PEAK1: variants seen among roughly 807,000 people sequenced by gnomAD.
The protein encoded by PEAK1 is pseudopodium enriched atypical kinase 1.
In PEAK1, 54 loss-of-function variants were observed where a neutral mutation model predicts 124.7. That is an observed-to-expected ratio of 0.43 (90% CI 0.35 to 0.54). PEAK1 has a LOEUF of 0.54. PEAK1 is among the 20% of genes least tolerant of loss of function. The probability of loss-of-function intolerance (pLI) is 0.01; values close to 1 mark genes in which losing one functional copy is unlikely to be tolerated. For synonymous variants in PEAK1, 719 were observed against 760.0 expected (o/e 0.95, Z 0.89); for missense variants, 2,046 against 2,134.5 (o/e 0.96, Z 0.82).
chr15:77,124,325 C>T (rs2052186873), intron 9 of PEAK1, among the ~76,000 whole-genome samples: 1 of 152,182 alleles, frequency 6.6e-6, no homozygotes, highest in Non-Finnish European at 1.5e-5. Context: ...AGTCTATGAC[C>T]ACATTTCTAG....
At chr15:77,265,479 T>C (rs1007430178) in intron 5 of PEAK1, among the ~76,000 whole-genome samples, 11 of 152,166 alleles carry the variant, frequency 7.2e-5, no homozygotes, top group African/African-American at 2.2e-4. Context: ...AGAAGACATT[T>C]ATGCAGACAA....
At chr15:77,125,573 C>G (rs559792395) in intron 9 of PEAK1, among the ~76,000 whole-genome samples, 1 of 151,920 alleles carries the variant, frequency 6.6e-6, no homozygotes. Flanking sequence ...TTAAGAAGAC[C>G]TGAAGTATTT....
rs575775821 is a variant in PEAK1 at position 77,392,209 on chromosome 15, T to C, written c.-665-26984A>G. 7.9e-5 allele frequency among the ~76,000 whole-genome samples: 12 copies of C among 152,218 alleles called. No homozygotes were observed. In the South Asian group the frequency reaches 8.3e-4, roughly 11 times the overall value. ...CAAAACTGAACTAAAAATCAGAATC[T>C]TCAATATGGAAATAATAGAACCACT... On this transcript the variant is annotated intron_variant, in intron 1 of 9. Transcript: ENST00000682557.
chr15:77,163,967 C>A (rs1274578255), intron 7 of PEAK1, among the ~76,000 whole-genome samples: 1 of 152,072 alleles, frequency 6.6e-6, no homozygotes, highest in Non-Finnish European at 1.5e-5. Flanking sequence ...CTGGGGATAA[C>A]GGAACTCTGC....
At chr15:77,373,023 T>C (rs1185314524) in intron 1 of PEAK1, among the ~76,000 whole-genome samples, 1 of 152,168 alleles carries the variant, frequency 6.6e-6, no homozygotes, top group African/African-American at 2.4e-5. Context: ...AATTACCCAG[T>C]CCAGGTATTT....
chr15:77,412,538 CACAG>C (rs1233836236), intron 1 of PEAK1, among the ~76,000 whole-genome samples: 7 of 152,134 alleles, frequency 4.6e-5, no homozygotes, highest in Non-Finnish European at 8.8e-5. Context: ...CAGTTAGAGT[CACAG>C]ACAATCAGTA....
intron 6 of PEAK1, among the ~76,000 whole-genome samples, chr15:77,213,150 C>T (rs1180932116): frequency 6.6e-6 from 1 of 152,008 alleles, no homozygotes; most frequent in African/African-American, 2.4e-5. Context: ...GAATAATGTT[C>T]TATGCAATGC....
intron 1 of PEAK1, among the ~76,000 whole-genome samples, chr15:77,387,785 T>C (rs1193445185): frequency 6.6e-6 from 1 of 152,144 alleles, no homozygotes. Flanking sequence ...GTGACAGTGA[T>C]GGGAAAGGAA....
chr15:77,273,812 C>A (rs1052093700), intron 5 of PEAK1, among the ~76,000 whole-genome samples: 3 of 151,954 alleles, frequency 2.0e-5, no homozygotes, highest in Non-Finnish European at 4.4e-5. Flanking sequence ...AAAGAGCCCA[C>A]GTAGCCAAAG....
chr15:77,266,171 G>GC (rs2152948130), intron 5 of PEAK1, among the ~76,000 whole-genome samples: 1 of 152,224 alleles, frequency 6.6e-6, no homozygotes, highest in African/African-American at 2.4e-5. Context: ...GTTAGTGGGT[G>GC]CAGCGCACCA....
intron 5 of PEAK1, among the ~76,000 whole-genome samples, chr15:77,261,081 C>G (rs2061414798): frequency 6.6e-6 from 1 of 152,122 alleles, no homozygotes; most frequent in Non-Finnish European, 1.5e-5. Context: ...AGAAGGAAAA[C>G]TAATAAACAG....
intron 7 of PEAK1, among the ~76,000 whole-genome samples, chr15:77,174,562 T>A (rs1178266916): frequency 6.6e-6 from 1 of 152,244 alleles, no homozygotes; most frequent in Non-Finnish European, 1.5e-5. Flanking sequence ...ATATTCATGC[T>A]TTAAACTTTT....
intron 5 of PEAK1, among the ~76,000 whole-genome samples, chr15:77,278,099 C>T (rs113534658): frequency 8.8e-4 from 134 of 152,140 alleles, no homozygotes; most frequent in Admixed American, 1.6e-3. Flanking sequence ...GCTATACGCT[C>T]GTGGGCACGA....
rs139093935 is a variant in PEAK1, at chr15:77,119,877, G to A, written c.4078-4558C>T. Among the ~76,000 whole-genome samples, 195 of 152,220 alleles carry A rather than the reference G, an allele frequency of 1.3e-3. 2 individuals are homozygous for A. The highest frequency in any genetic ancestry group is 4.2e-3 in the African/African-American group (175 of 41,532). On this transcript the variant is annotated intron_variant, in intron 9 of 9. Transcript: ENST00000682557. ...AACTTCTAAAAAGTAGACCATCAGGGGCTTTGACTGTAAAGTCCCATTAAA... is the reference window on the plus strand; with the variant it reads ...AACTTCTAAAAAGTAGACCATCAGGAGCTTTGACTGTAAAGTCCCATTAAA...
intron 6 of PEAK1, among the ~76,000 whole-genome samples, chr15:77,203,889 A>G (rs2058496255): frequency 6.6e-6 from 1 of 152,150 alleles, no homozygotes; most frequent in South Asian, 2.1e-4. Flanking sequence ...CAAAGGCATG[A>G]TCCTTGACAG....
chr15:77,199,164 C>T (rs188759027), intron 6 of PEAK1, among the ~76,000 whole-genome samples: 11 of 152,206 alleles, frequency 7.2e-5, no homozygotes, highest in African/African-American at 1.4e-4. Context: ...CTTGTTTATA[C>T]AGCAAGAAGG....
intron 2 of PEAK1, among the ~76,000 whole-genome samples, chr15:77,316,318 T>C (rs1009434803): frequency 6.6e-6 from 1 of 152,130 alleles, no homozygotes; most frequent in African/African-American, 2.4e-5. Context: ...CACAAATAAA[T>C]ATGATTGCCA....
intron 5 of PEAK1, among the ~76,000 whole-genome samples, chr15:77,265,670 A>G (rs986865967): frequency 3.0e-4 from 45 of 152,018 alleles, no homozygotes; most frequent in African/African-American, 1.0e-3. Context: ...ACTGTAAACT[A>G]GTTCAACCAT....
chr15:77,405,632 C>G (rs1409115916), intron 1 of PEAK1, among the ~76,000 whole-genome samples: 1 of 152,078 alleles, frequency 6.6e-6, no homozygotes, highest in East Asian at 1.9e-4. Context: ...AAAATCCAGA[C>G]GCTGAAGGCC....
Sources: gnomAD v4.1 joint callset for allele counts (sites outside exome capture counted in the v4.1 genomes callset) on GRCh38, gnomAD v4.1.1 for gene constraint, MANE v1.5 for transcripts, NCBI Gene and HGNC (gene_info 2026-07-23, HGNC 2026-07-21) for gene names.